The following PRIM2 variants were observed in gnomAD, a reference collection of about 807,000 sequenced individuals.
PRIM2 encodes the protein DNA primase large subunit.
In PRIM2, 39 loss-of-function variants were observed where a neutral mutation model predicts 67.3. That is an observed-to-expected ratio of 0.58 (90% CI 0.45 to 0.76). PRIM2 has a LOEUF of 0.76. PRIM2 is among the 30% of genes least tolerant of loss of function. The pLI is 0.00. For synonymous variants in PRIM2, 143 were observed against 198.7 expected (o/e 0.72, Z 2.36); for missense variants, 398 against 598.7 (o/e 0.66, Z 3.50).
intron 5 of PRIM2, among the ~76,000 whole-genome samples, chr6:57,349,890 T>C (rs1159107565): frequency 6.6e-6 from 1 of 152,228 alleles, no homozygotes; most frequent in Non-Finnish European, 1.5e-5. Flanking sequence ...TTCCTATTTT[T>C]TGTAAAAACA....
intron 10 of PRIM2, among the ~76,000 whole-genome samples, chr6:57,570,033 C>T (rs1429347139): frequency 6.6e-6 from 1 of 152,194 alleles, no homozygotes; most frequent in Non-Finnish European, 1.5e-5. Flanking sequence ...AGCCACCACG[C>T]CCTGCCACTT....
intron 8 of PRIM2, among the ~76,000 whole-genome samples, chr6:57,519,797 A>G (rs1774573838): frequency 1.3e-5 from 2 of 152,188 alleles, no homozygotes; most frequent in African/African-American, 4.8e-5. Flanking sequence ...AATCTTAACA[A>G]TTTATGCTTA....
At chr6:57,371,081 G>T (rs1335578229) in intron 5 of PRIM2, among the ~76,000 whole-genome samples, 6 of 149,468 alleles carry the variant, frequency 4.0e-5, no homozygotes, top group Non-Finnish European at 7.4e-5. Flanking sequence ...TCAATGAGAA[G>T]AAATATTGCA....
chr6:57,573,257 A>G (rs1471366301), intron 10 of PRIM2, among the ~76,000 whole-genome samples: 20 of 152,176 alleles, frequency 1.3e-4, no homozygotes, highest in Non-Finnish European at 2.2e-4. Flanking sequence ...TGTGTTTCTC[A>G]TTATTGTTCT....
chr6:57,425,146 C>T (rs1180225807), intron 7 of PRIM2, among the ~76,000 whole-genome samples: 15 of 151,950 alleles, frequency 9.9e-5, no homozygotes, highest in African/African-American at 2.7e-4. Context: ...TATTATGCAG[C>T]GTGTATTTAA....
At chr6:57,450,021 A>G (rs935261594) in intron 7 of PRIM2, among the ~76,000 whole-genome samples, 1 of 152,154 alleles carries the variant, frequency 6.6e-6, no homozygotes, top group Non-Finnish European at 1.5e-5. Flanking sequence ...CTGTCACATT[A>G]CTTGTTATTC....
chr6:57,326,324 A>G, intron 5 of PRIM2: 1 of 253,054 alleles, frequency 4.0e-6, no homozygotes, highest in South Asian at 1.3e-4. Flanking sequence ...TCTTTAACCA[A>G]AATTTTGTCG....
intron 7 of PRIM2, among the ~76,000 whole-genome samples, chr6:57,418,035 T>C (rs1226370427): frequency 1.3e-5 from 2 of 152,314 alleles, no homozygotes; most frequent in East Asian, 1.9e-4. Flanking sequence ...TGAATACTTA[T>C]AGCCAGAAGG....
intron 13 of PRIM2, among the ~76,000 whole-genome samples, chr6:57,632,601 T>C (rs1361049176): frequency 6.6e-6 from 1 of 152,208 alleles, no homozygotes; most frequent in Admixed American, 6.5e-5. Flanking sequence ...GTAGAAAATA[T>C]GCAAATGAAC....
intron 8 of PRIM2, among the ~76,000 whole-genome samples, chr6:57,532,010 G>A (rs1380148178): frequency 1.3e-5 from 2 of 152,068 alleles, no homozygotes; most frequent in Non-Finnish European, 2.9e-5. Context: ...GGCATACAGA[G>A]AGTAACTAAG....
intron 10 of PRIM2, among the ~76,000 whole-genome samples, chr6:57,575,525 A>G (rs1775947429): frequency 6.6e-6 from 1 of 152,188 alleles, no homozygotes; most frequent in African/African-American, 2.4e-5. Context: ...TGTGCTATTG[A>G]GGGACTCTGT....
At chr6:57,564,977 C>T (rs1353491722) in intron 10 of PRIM2, among the ~76,000 whole-genome samples, 1 of 152,160 alleles carries the variant, frequency 6.6e-6, no homozygotes, top group Admixed American at 6.5e-5. Flanking sequence ...TGGATTTGGC[C>T]TGTGGACTGG....
chr6:57,388,325 TTAATC>T (rs1220978131), intron 7 of PRIM2, among the ~76,000 whole-genome samples: 1 of 152,158 alleles, frequency 6.6e-6, no homozygotes, highest in African/African-American at 2.4e-5. Flanking sequence ...AGTTTTCACA[TTAATC>T]TAGATAGTGG....
chr6:57,468,177 T>G (rs1328666755), intron 7 of PRIM2, among the ~76,000 whole-genome samples: 2 of 152,194 alleles, frequency 1.3e-5, no homozygotes, highest in Non-Finnish European at 2.9e-5. Context: ...TGAATAGGAA[T>G]GGTGAGGGAA....
intron 5 of PRIM2, among the ~76,000 whole-genome samples, chr6:57,343,994 C>T (rs1431623452): frequency 6.6e-5 from 10 of 152,142 alleles, no homozygotes; most frequent in Admixed American, 1.3e-4. Flanking sequence ...GATGGTCAGA[C>T]GAAGGGTGGG....
intron 7 of PRIM2, among the ~76,000 whole-genome samples, chr6:57,444,738 C>T (rs1452455052): frequency 1.3e-5 from 2 of 152,140 alleles, no homozygotes; most frequent in South Asian, 2.1e-4. Flanking sequence ...GATATATTTA[C>T]GAAGGTTATA....
At position 57,549,374 on chromosome 6, in the gene PRIM2, G is replaced by A. The variant is rs1340321552; in HGVS notation, c.1020+11749G>A. 4.3e-3 allele frequency among the ~76,000 whole-genome samples: 657 copies of A among 152,218 alleles called. 6 individuals are homozygous for A. Among genetic ancestry groups the A allele is most frequent in the Non-Finnish European group, 5.4e-3 (368 of 67,996 alleles). On this transcript the variant is annotated intron_variant, in intron 10 of 13. Transcript: ENST00000615550. ...ATGATCAAACCTGGGTTAGACCCAG[G>A]TCTATTTTATTCCAAACCCTGAACT...
intron 7 of PRIM2, among the ~76,000 whole-genome samples, chr6:57,461,215 G>T (rs1175780483): frequency 6.6e-6 from 1 of 152,216 alleles, no homozygotes. Flanking sequence ...CCCTTGGTAA[G>T]TAAGTGGCTT....
At chr6:57,504,797 G>A (rs1319298708) in intron 7 of PRIM2, among the ~76,000 whole-genome samples, 2 of 152,326 alleles carry the variant, frequency 1.3e-5, no homozygotes, top group East Asian at 3.9e-4. Flanking sequence ...AAATCTCATT[G>A]TGACAGTGTA....
Sources: gnomAD v4.1 joint callset for allele counts (sites outside exome capture counted in the v4.1 genomes callset) on GRCh38, gnomAD v4.1.1 for gene constraint, MANE v1.5 for transcripts, NCBI Gene and HGNC (gene_info 2026-07-23, HGNC 2026-07-21) for gene names.